SUCLA2: variants seen among roughly 807,000 people sequenced by gnomAD.
SUCLA2 encodes the protein succinate-CoA ligase ADP-forming subunit beta, also known as succinate--CoA ligase [ADP-forming] subunit beta, mitochondrial.
SUCLA2 carries 30 observed loss-of-function variants against 54.8 expected under a neutral mutation model. The observed-to-expected ratio is 0.55, with a 90% CI of 0.41 to 0.74. The LOEUF (loss-of-function observed/expected upper bound fraction) is 0.74. SUCLA2 is among the 30% of genes least tolerant of loss of function. The pLI is 0.00. For missense variants in SUCLA2, 476 were observed against 562.9 expected (o/e 0.85, Z 1.56); for synonymous variants, 172 against 188.9 (o/e 0.91, Z 0.74).
At chr13:47,972,840 T>C (rs1267477234) in intron 5 of SUCLA2, among the ~76,000 whole-genome samples, 1 of 147,120 alleles carries the variant, frequency 6.8e-6, no homozygotes, top group Middle Eastern at 3.6e-3. Flanking sequence ...CTCCGCCTCC[T>C]GGGTTCAAGC....
intron 9 of SUCLA2, 61 bp downstream of exon 9, chr13:47,949,422 T>A: frequency 1.3e-6 from 2 of 1,587,844 alleles, no homozygotes; most frequent in African/African-American, 2.7e-5. Context: ...CAAACTGAAC[T>A]CCATGGAAAT....
chr13:47,967,001 C>T (rs994457620), intron 6 of SUCLA2, among the ~76,000 whole-genome samples: 1 of 151,946 alleles, frequency 6.6e-6, no homozygotes, highest in Non-Finnish European at 1.5e-5. Flanking sequence ...GCCTGGGCAA[C>T]AAAGCAAGAC....
At position 47,968,750 on chromosome 13, in the gene SUCLA2, TTTTTATTATAGGTAG is replaced by T; in HGVS notation, c.664-32_664-18del. On this transcript the variant is annotated intron_variant, in intron 5 of 10. Coordinates refer to ENST00000646932, the MANE Select transcript of SUCLA2 (RefSeq NM_003850.3). The stretch of plus-strand genomic sequence containing the variant: ...CTGTGCAAGCTGAAATCAATATGTC[TTTTTATTATAGGTAG>T]TTTGCATATGTCTAATCAACATTAC... 2 of 1,611,498 alleles carry T rather than the reference TTTTTATTATAGGTAG, an allele frequency of 1.2e-6. No homozygotes were observed. The highest frequency in any genetic ancestry group is 1.7e-6 in the Non-Finnish European group (2 of 1,179,512).
At chr13:47,965,973 G>C (rs1038893001) in intron 6 of SUCLA2, among the ~76,000 whole-genome samples, 2 of 152,172 alleles carry the variant, frequency 1.3e-5, no homozygotes, top group Non-Finnish European at 2.9e-5. Context: ...GTGAGAACCC[G>C]GGAGGTGGAG....
intron 6 of SUCLA2, among the ~76,000 whole-genome samples, chr13:47,957,803 A>G (rs960209869): frequency 6.6e-6 from 1 of 151,996 alleles, no homozygotes; most frequent in Non-Finnish European, 1.5e-5. Flanking sequence ...GCTCCTCTCA[A>G]TTTGGGAAAT....
chr13:47,987,501 T>A (rs1484176902), intron 4 of SUCLA2: 1 of 152,118 alleles, frequency 6.6e-6, no homozygotes, highest in Admixed American at 6.5e-5. Flanking sequence ...ACAAACTAAA[T>A]TCTATCACAT....
intron 5 of SUCLA2, among the ~76,000 whole-genome samples, chr13:47,970,189 T>C (rs1223674212): frequency 1.3e-5 from 2 of 151,862 alleles, no homozygotes; most frequent in East Asian, 3.9e-4. Context: ...AGTACCATTT[T>C]ATTATGAAAG....
intron 2 of SUCLA2, among the ~76,000 whole-genome samples, chr13:47,995,363 CT>C (rs1950183280): frequency 6.6e-6 from 1 of 152,008 alleles, no homozygotes; most frequent in Non-Finnish European, 1.5e-5. Context: ...AAAGCTTTTG[CT>C]TAATAAAAAG....
In SUCLA2 at chr13:47,954,464, T is replaced by C; in HGVS notation, c.896A>G (p.Glu299Gly). 1 of 1,614,026 alleles carries C rather than the reference T, an allele frequency of 6.2e-7. No homozygotes were observed. The highest frequency in any genetic ancestry group is 8.5e-7 in the Non-Finnish European group (1 of 1,179,910). ...TGCCTTAGCAGCATCTTTGTCCCTT[T>C]CATCTTCCTGGGTCCAGTCCTGTAG... is the stretch of plus-strand genomic sequence containing the variant. ...FDLQDWTQED[E>G]RDKDAAKANL... The change falls in exon 7 of 11, where the codon GAA (glutamate) becomes GGA (glycine). Residue 299 changes from glutamate to glycine, a missense_variant. Glu to Gly is a moderately conservative substitution (Grantham distance 98). Transcript: ENST00000646932.
chr13:47,959,504 GGA>G (rs1407053131), intron 6 of SUCLA2, among the ~76,000 whole-genome samples: 1,083 of 7,606 alleles, frequency 0.14, 48 homozygotes, highest in African/African-American at 0.23. Flanking sequence ...GGGAGCGGGG[GGA>G]GGAGGAGGAG....
In SUCLA2 at chr13:47,988,985, G is replaced by A. The variant is rs757880043; in HGVS notation, c.272-4C>T. 1.2e-6 allele frequency: 2 copies of A among 1,612,438 alleles called. No individual in the cohort carries two copies. Among genetic ancestry groups the A allele is most frequent in the South Asian group, 2.2e-5 (2 of 91,048 alleles). On this transcript the variant is annotated splice_region_variant and splice_polypyrimidine_tract_variant and intron_variant, in intron 2 of 10. Transcript: ENST00000646932. Reference sequence around the variant, plus strand: ...TTTATCACGACATCTTTTGAACCTAGAAGAAAAACACTTCTATTAAATATG... The same window carrying A: ...TTTATCACGACATCTTTTGAACCTAAAAGAAAAACACTTCTATTAAATATG...
intron 4 of SUCLA2, among the ~76,000 whole-genome samples, chr13:47,982,616 CTCCT>C (rs1232853964): frequency 2.0e-5 from 3 of 152,062 alleles, no homozygotes; most frequent in Non-Finnish European, 2.9e-5. Context: ...TCCTCTCTCC[CTCCT>C]TCCTTCCTTC....
chr13:47,994,588 A>AC lies in SUCLA2; in HGVS notation c.271+2254_271+2255insG, dbSNP rs1377251545. Among the ~76,000 whole-genome samples, 13 of 151,806 alleles carry AC rather than the reference A, an allele frequency of 8.6e-5. No homozygotes were observed. In the East Asian group the frequency reaches 2.1e-3, roughly 25 times the overall value. On this transcript the variant is annotated intron_variant, in intron 2 of 10. Coordinates refer to ENST00000646932, the MANE Select transcript of SUCLA2 (RefSeq NM_003850.3). The stretch of plus-strand genomic sequence containing the variant: ...GTCTCAAAAAAAAAAAAAAAAAAAA[A>AC]ACCACGAAATTGTCCTCCATATTTT...
At chr13:47,958,176 G>T (rs371566886) in intron 6 of SUCLA2, among the ~76,000 whole-genome samples, 53 of 152,278 alleles carry the variant, frequency 3.5e-4, no homozygotes, top group Middle Eastern at 3.4e-3. Context: ...GTCTGGGGAG[G>T]TTTGGCCTTT....
Position 47,986,428 on chromosome 13 carries a change from A to C in SUCLA2, c.534+2113T>G, listed in dbSNP as rs181489312. 4.8e-4 allele frequency among the ~76,000 whole-genome samples: 73 copies of C among 152,188 alleles called. 1 individual carries two copies. In the East Asian group the frequency reaches 0.013, roughly 28 times the overall value. ...TGAAAATTTGTTTTAAGTTTCTCAT[A>C]AACTTTGGATATTAGACCTTTGTCG... On this transcript the variant is annotated intron_variant, in intron 4 of 10. Transcript: ENST00000646932.
At chr13:47,959,382 T>C (rs1306146411) in intron 6 of SUCLA2, among the ~76,000 whole-genome samples, 1 of 104,040 alleles carries the variant, frequency 9.6e-6, no homozygotes, top group Admixed American at 1.0e-4. Context: ...AGTAAAATGA[T>C]GTTATTTAAA....
At chr13:47,994,058 CAA>C (rs59292218) in intron 2 of SUCLA2, among the ~76,000 whole-genome samples, 4 of 131,138 alleles carry the variant, frequency 3.1e-5, no homozygotes, top group Non-Finnish European at 6.4e-5. Flanking sequence ...AACTCCGTCT[CAA>C]AAAAAAAAAA....
intron 6 of SUCLA2, among the ~76,000 whole-genome samples, chr13:47,965,230 G>A (rs1420484264): frequency 1.3e-5 from 2 of 151,714 alleles, no homozygotes; most frequent in Non-Finnish European, 2.9e-5. Flanking sequence ...CAAAACTAAT[G>A]GGTAAAAGTT....
chr13:47,954,154 T>C lies in SUCLA2; in HGVS notation c.1093A>G (p.Thr365Ala). 6.2e-7 allele frequency: 1 copy of C among 1,613,472 alleles called. No homozygotes were observed. The highest frequency in any genetic ancestry group is 1.7e-4 in the Middle Eastern group (1 of 6,058). Residue 365 changes from threonine (T) to alanine (A), a missense_variant, in exon 8 of 11, where the codon ACT (threonine) becomes GCT (alanine). By Grantham distance (58) the Thr-to-Ala change is moderately conservative (BLOSUM62 0). Transcript: ENST00000646932. ...CCTGCCCTTACCTTTTTATCTGAAG[T>C]GATAAGCTTAAATGCTTCTGTTACT... ...HQVTEAFKLITSDKKVLAILV... is the reference protein window; with the variant it reads ...HQVTEAFKLIASDKKVLAILV...
Sources: gnomAD v4.1 joint callset for allele counts (sites outside exome capture counted in the v4.1 genomes callset) on GRCh38, gnomAD v4.1.1 for gene constraint, MANE v1.5 for transcripts, NCBI Gene and HGNC (gene_info 2026-07-23, HGNC 2026-07-21) for gene names.